Variants in HTR3B observed in about 807,000 individuals in gnomAD.
HTR3B encodes 5-hydroxytryptamine receptor 3B, also known as 5-hydroxytryptamine (serotonin) receptor 3B, ionotropic.
A neutral mutation model predicts 42.8 loss-of-function variants in HTR3B; 44 were observed. The observed-to-expected ratio is 1.03, with a 90% CI of 0.81 to 1.32. HTR3B has a LOEUF of 1.32. Ranked by LOEUF, HTR3B falls within the 40% of genes most tolerant of loss-of-function variation. The pLI is 0.00. For synonymous variants in HTR3B, 203 were observed against 209.0 expected (o/e 0.97, Z 0.25); for missense variants, 527 against 536.5 (o/e 0.98, Z 0.17).
At chr11:113,930,708 T>G (rs1252116356) in intron 2 of HTR3B, among the ~76,000 whole-genome samples, 1 of 152,078 alleles carries the variant, frequency 6.6e-6, no homozygotes, top group East Asian at 1.9e-4. Flanking sequence ...CAGGCTGGTC[T>G]CAAACTCCGG....
At chr11:113,939,440 T>G (rs1950116648) in intron 6 of HTR3B, among the ~76,000 whole-genome samples, 1 of 152,200 alleles carries the variant, frequency 6.6e-6, no homozygotes, top group African/African-American at 2.4e-5. Context: ...GCAGGGCCCT[T>G]TCAAGAGCAG....
At chr11:113,907,230 A>G (rs1949740846) in intron 1 of HTR3B, among the ~76,000 whole-genome samples, 2 of 152,224 alleles carry the variant, frequency 1.3e-5, no homozygotes, top group South Asian at 4.1e-4. Context: ...AGCATTCAAG[A>G]AGGCAGTTTT....
intron 2 of HTR3B, among the ~76,000 whole-genome samples, chr11:113,930,742 G>A (rs1368063854): frequency 1.3e-5 from 2 of 151,952 alleles, no homozygotes; most frequent in Non-Finnish European, 2.9e-5. Context: ...CTCCTGTCTT[G>A]GCCTCCAAAA....
In HTR3B at chr11:113,909,397, A is replaced by G. The variant is rs750495680; in HGVS notation, c.155A>G (p.Asn52Ser). The change falls in exon 2 of 9, where the codon AAC (asparagine) becomes AGC (serine). Residue 52 changes from asparagine (N) to serine (S), a missense_variant. Coordinates refer to ENST00000260191, the MANE Select transcript of HTR3B (RefSeq NM_006028.5). ...KYHKEVRPVY[N>S]WTKATTVYLD... Reference sequence around the variant, plus strand: ...CATAAAGAAGTGAGACCTGTTTACAACTGGACCAAGGCCACCACAGTCTAC... The same window carrying G: ...CATAAAGAAGTGAGACCTGTTTACAGCTGGACCAAGGCCACCACAGTCTAC... 21 of 1,614,042 alleles carry G rather than the reference A, an allele frequency of 1.3e-5. No individual in the cohort carries two copies. The highest frequency in any genetic ancestry group is 2.2e-5 in the South Asian group (2 of 91,092).
intron 2 of HTR3B, among the ~76,000 whole-genome samples, chr11:113,913,515 T>A (rs183228102): frequency 6.7e-6 from 1 of 148,570 alleles, no homozygotes; most frequent in East Asian, 2.0e-4. Context: ...TTGGCCTTTT[T>A]AAAAAAAATT....
chr11:113,930,487 C>CT (rs528919776), intron 2 of HTR3B, among the ~76,000 whole-genome samples: 3,213 of 121,902 alleles, frequency 0.026, 121 homozygotes, highest in African/African-American at 0.067. Context: ...TTTCTTTTCT[C>CT]TTTTTTTTTT....
At chr11:113,913,187 C>T (rs1323471186) in intron 2 of HTR3B, among the ~76,000 whole-genome samples, 1 of 150,342 alleles carries the variant, frequency 6.7e-6, no homozygotes, top group African/African-American at 2.4e-5. Context: ...CCCAAAATTT[C>T]TTTCTTTCTT....
rs778718969 is a variant in HTR3B at position 113,932,346 on chromosome 11, C to T, written c.426C>T (p.Thr142=). The T allele has an allele frequency of 1.3e-5, 21 of 1,613,256 alleles. No individual in the cohort carries two copies. Among genetic ancestry groups the T allele is most frequent in the Non-Finnish European group, 1.6e-5 (19 of 1,179,360 alleles). Residue 142 remains threonine, a synonymous_variant, in exon 5 of 9, where the codon ACC becomes ACT. Coordinates refer to ENST00000260191, the MANE Select transcript of HTR3B (RefSeq NM_006028.5). ...LPYVYVNSSG[T]IENYKPIQVV... ...ATGTTTATGTGAACTCATCTGGGAC[C>T]ATTGAGAACTATAAGCCCATCCAGG...
intron 2 of HTR3B, among the ~76,000 whole-genome samples, chr11:113,929,890 G>A (rs1194990019): frequency 6.6e-6 from 1 of 151,964 alleles, no homozygotes; most frequent in African/African-American, 2.4e-5. Context: ...CCACGACCAC[G>A]CCCGGCTAAT....
Position 113,946,311 on chromosome 11 carries a change from A to G in HTR3B, c.*174A>G, listed in dbSNP as rs1263458935. The G allele has an allele frequency of 3.4e-5, 20 of 590,938 alleles. No individual in the cohort carries two copies. Among genetic ancestry groups the G allele is most frequent in the Non-Finnish European group, 4.8e-5 (16 of 330,338 alleles). 36.6% of individuals were successfully genotyped at this position (590,938 alleles called of 1,614,324 possible). A position where few individuals can be genotyped will look rare whatever the true frequency, so the allele number is the denominator to read the frequency against. On this transcript the variant is annotated 3_prime_UTR_variant, in exon 9 of 9. Coordinates refer to ENST00000260191, the MANE Select transcript of HTR3B (RefSeq NM_006028.5). ...AGCCCAGGAGTTCGAGACCAGCCAG[A>G]GCAACATAGTGAGACCACATCTCTA...
At chr11:113,909,602 A>C in intron 2 of HTR3B, 147 bp downstream of exon 2, 1 of 669,118 alleles carries the variant, frequency 1.5e-6, no homozygotes, top group African/African-American at 1.8e-5. Context: ...GCAGTTAGGT[A>C]AAATATTCAT....
At chr11:113,929,817 C>T (rs1012315254) in intron 2 of HTR3B, among the ~76,000 whole-genome samples, 1 of 152,184 alleles carries the variant, frequency 6.6e-6, no homozygotes, top group African/African-American at 2.4e-5. Context: ...ACTGCAAGCT[C>T]TGCCTCCTGG....
intron 2 of HTR3B, among the ~76,000 whole-genome samples, chr11:113,914,046 T>A (rs531847633): frequency 0.096 from 14,500 of 151,500 alleles, 823 homozygotes; most frequent in Middle Eastern, 0.18. Context: ...AAAATATATT[T>A]TTTTTTTTTT....
intron 6 of HTR3B, among the ~76,000 whole-genome samples, chr11:113,939,928 C>A (rs960018964): frequency 2.0e-5 from 3 of 150,474 alleles, no homozygotes; most frequent in African/African-American, 7.3e-5. Context: ...ACTCTGTTGC[C>A]CAGGCTGGAG....
At chr11:113,931,491 A>G in intron 3 of HTR3B, 63 bp downstream of exon 3, 1 of 1,016,014 alleles carries the variant, frequency 9.8e-7, no homozygotes, top group Non-Finnish European at 1.5e-6. Flanking sequence ...TGCAAAATAT[A>G]GTTATTTAAG....
intron 2 of HTR3B, 54 bp from the exon 3 acceptor site, chr11:113,931,330 C>T: frequency 1.5e-6 from 2 of 1,340,218 alleles, no homozygotes; most frequent in South Asian, 1.2e-5. Context: ...CTGAATTGGC[C>T]TTTGATTTAT....
At chr11:113,921,613 G>T (rs111907100) in intron 2 of HTR3B, among the ~76,000 whole-genome samples, 5,401 of 144,772 alleles carry the variant, frequency 0.037, 420 homozygotes, top group East Asian at 0.3. Flanking sequence ...ATGAGACTCC[G>T]TCTCAAAAAA....
intron 2 of HTR3B, among the ~76,000 whole-genome samples, chr11:113,910,443 T>TC (rs1491287598): frequency 4.9e-5 from 3 of 61,500 alleles, no homozygotes; most frequent in Admixed American, 3.4e-4. Context: ...TTTCTCTCTC[T>TC]TTTTTTTTTT....
chr11:113,927,688 G>A (rs758589824), intron 2 of HTR3B, among the ~76,000 whole-genome samples: 2 of 151,320 alleles, frequency 1.3e-5, no homozygotes, highest in South Asian at 2.1e-4. Flanking sequence ...TCAGCCTCCC[G>A]AGTAGCTGGA....
Sources: gnomAD v4.1 joint callset for allele counts (sites outside exome capture counted in the v4.1 genomes callset) on GRCh38, gnomAD v4.1.1 for gene constraint, MANE v1.5 for transcripts, NCBI Gene and HGNC (gene_info 2026-07-23, HGNC 2026-07-21) for gene names.